The following MGME1 variants were observed in gnomAD, a reference collection of about 807,000 sequenced individuals.
MGME1 encodes mitochondrial genome maintenance exonuclease 1.
Under a neutral mutation model 33.0 loss-of-function variants are expected in MGME1, and 22 were observed. The observed-to-expected ratio is 0.67, with a 90% CI of 0.48 to 0.95. The LOEUF is 0.95. MGME1 is among the 40% of genes least tolerant of loss of function. The pLI is 0.00. For missense variants in MGME1, 383 were observed against 397.8 expected (o/e 0.96, Z 0.32); for synonymous variants, 133 against 144.0 (o/e 0.92, Z 0.55).
At chr20:17,978,676 G>A (rs749640423) in intron 3 of MGME1, among the ~76,000 whole-genome samples, 1 of 152,158 alleles carries the variant, frequency 6.6e-6, no homozygotes, top group Non-Finnish European at 1.5e-5. Flanking sequence ...TCATAGAGAT[G>A]ATAAAATATG....
chr20:17,986,514 C>A (rs1280535406), intron 3 of MGME1, among the ~76,000 whole-genome samples: 1 of 151,962 alleles, frequency 6.6e-6, no homozygotes, highest in Non-Finnish European at 1.5e-5. Context: ...CCAGCCACAA[C>A]ACCTGGCTGA....
At chr20:17,980,789 A>G (rs1600394056) in intron 3 of MGME1, among the ~76,000 whole-genome samples, 1 of 150,258 alleles carries the variant, frequency 6.7e-6, no homozygotes, top group East Asian at 2.0e-4. Context: ...AGCATGGGTG[A>G]CAGAGTGAGA....
chr20:17,977,430 G>A (rs1234690621), intron 3 of MGME1, among the ~76,000 whole-genome samples: 2 of 151,796 alleles, frequency 1.3e-5, no homozygotes, highest in African/African-American at 2.4e-5. Context: ...AGTCTGCAGT[G>A]CAAAGTAAAA....
intron 3 of MGME1, among the ~76,000 whole-genome samples, chr20:17,983,267 T>TTGTGTGTGTGTGTGTG (rs1555791107): frequency 0.012 from 1,779 of 142,648 alleles, 37 homozygotes; most frequent in African/African-American, 0.043. Context: ...TAGTGTTCTA[T>TTGTGTGTGTGTGTGTG]TGTGTGTGTG....
Position 17,990,184 on chromosome 20 carries a change from T to G in MGME1, c.*75T>G, listed in dbSNP as rs2036260029. 7.6e-7 allele frequency: 1 copy of G among 1,311,692 alleles called. No individual in the cohort carries two copies. Among genetic ancestry groups the G allele is most frequent in the Non-Finnish European group, 1.1e-6 (1 of 910,658 alleles). 81.3% of individuals were successfully genotyped at this position (1,311,692 alleles called of 1,614,324 possible). A position where few individuals can be genotyped will look rare whatever the true frequency, so the allele number is the denominator to read the frequency against. On this transcript the variant is annotated 3_prime_UTR_variant, in exon 5 of 5. Transcript: ENST00000377710. The stretch of plus-strand genomic sequence containing the variant: ...ACATATATTGCTGTTTACTCCAGTG[T>G]AAAAATGAGGTGCCACTGGATCTGA...
At chr20:17,974,025 G>A (rs919458901) in intron 2 of MGME1, among the ~76,000 whole-genome samples, 23 of 146,838 alleles carry the variant, frequency 1.6e-4, no homozygotes, top group African/African-American at 5.7e-4. Flanking sequence ...AGAAACAAGT[G>A]AATATATTTC....
chr20:17,983,927 G>A (rs1465756528), intron 3 of MGME1, among the ~76,000 whole-genome samples: 1 of 152,152 alleles, frequency 6.6e-6, no homozygotes, highest in Non-Finnish European at 1.5e-5. Context: ...TTGTTATGCA[G>A]AAGCTTTTTA....
chr20:17,969,780 T>C lies in MGME1; in HGVS notation c.-59-21T>C. 2.9e-6 allele frequency: 4 copies of C among 1,402,066 alleles called. No homozygotes were observed. The South Asian group carries it at 5.6e-5, about 20-fold the overall frequency. 86.9% of individuals were successfully genotyped at this position (1,402,066 alleles called of 1,614,324 possible). ...CATTCTGATGCAGCTTTCGCTTTGA[T>C]GGTTGTTTTCTCTCCAATAGGAATA... On this transcript the variant is annotated intron_variant, in intron 1 of 4. Coordinates refer to ENST00000377710, the MANE Select transcript of MGME1 (RefSeq NM_052865.4).
At chr20:17,980,878 C>T (rs755575166) in intron 3 of MGME1, among the ~76,000 whole-genome samples, 3 of 151,752 alleles carry the variant, frequency 2.0e-5, no homozygotes, top group Non-Finnish European at 4.4e-5. Context: ...TAATAATTTT[C>T]CACCACCCAC....
chr20:17,984,130 G>A (rs768361404), intron 3 of MGME1, among the ~76,000 whole-genome samples: 12 of 151,982 alleles, frequency 7.9e-5, no homozygotes, highest in Admixed American at 3.9e-4. Context: ...TATGCAAGTC[G>A]ATACCCAGTT....
At chr20:17,980,174 T>C (rs2035973871) in intron 3 of MGME1, among the ~76,000 whole-genome samples, 1 of 151,976 alleles carries the variant, frequency 6.6e-6, no homozygotes, top group South Asian at 2.1e-4. Flanking sequence ...TACAGGCGCC[T>C]GCTACCATAC....
rs576755235 is a variant in MGME1 at position 17,981,197 on chromosome 20, G to A, written c.731+5294G>A. On this transcript the variant is annotated intron_variant, in intron 3 of 4. Transcript: ENST00000377710. Reference sequence around the variant, plus strand: ...ACATAATGCTATGTATAATACACATGCATAGGCAGCACTTATGTATGATTT... The same window carrying A: ...ACATAATGCTATGTATAATACACATACATAGGCAGCACTTATGTATGATTT... Among the ~76,000 whole-genome samples the A allele has an allele frequency of 3.7e-4, 56 of 152,180 alleles. No individual in the cohort carries two copies. In the South Asian group the frequency reaches 6.2e-3, roughly 17 times the overall value.
chr20:17,985,717 T>A (rs1200385518), intron 3 of MGME1, among the ~76,000 whole-genome samples: 1 of 152,222 alleles, frequency 6.6e-6, no homozygotes, highest in Non-Finnish European at 1.5e-5. Context: ...TTTCTGTGTT[T>A]AGATGCACTA....
In MGME1 at chr20:17,969,810, CAT is replaced by C. The variant is rs760826941; in HGVS notation, c.-48_-47del. The C allele has an allele frequency of 2.0e-6, 3 of 1,530,406 alleles. No individual in the cohort carries two copies. The highest frequency in any genetic ancestry group is 2.6e-6 in the Non-Finnish European group (3 of 1,142,252). 94.8% of individuals were successfully genotyped at this position (1,530,406 alleles called of 1,614,324 possible). ...GTTTTCTCTCCAATAGGAATACAAA[CAT>C]AAAGGCCTTCGACCGTTGCAAATAG... On this transcript the variant is annotated 5_prime_UTR_variant, in exon 2 of 5. Transcript: ENST00000377710.
In MGME1 at chr20:17,969,869, A is replaced by G; in HGVS notation, c.10A>G (p.Lys4Glu). MKM[K>E]LFQTICRQLR... is the part of the protein sequence containing the mutation. ...GTGAAAACAAATCTGAATGAAGATGAAGTTATTTCAGACCATTTGCAGGCA... is the reference window on the plus strand; with the variant it reads ...GTGAAAACAAATCTGAATGAAGATGGAGTTATTTCAGACCATTTGCAGGCA... The change falls in exon 2 of 5, where the codon AAG becomes GAG. Residue 4 changes from lysine to glutamate, a missense_variant. Coordinates refer to ENST00000377710, the MANE Select transcript of MGME1 (RefSeq NM_052865.4). 2.5e-6 allele frequency: 4 copies of G among 1,604,742 alleles called. No homozygotes were observed. Among genetic ancestry groups the G allele is most frequent in the Non-Finnish European group, 3.4e-6 (4 of 1,176,996 alleles).
At chr20:17,969,003 T>C (rs886259454), upstream of MGME1, 2 of 153,812 alleles carry the variant, frequency 1.3e-5, no homozygotes, top group African/African-American at 4.8e-5. Flanking sequence ...GGGTGGGGCG[T>C]GAGCGCCGCG....
chr20:17,969,292 G>A (rs1181885894), intron 1 of MGME1, among the ~76,000 whole-genome samples, 151 bp downstream of exon 1: 2 of 152,222 alleles, frequency 1.3e-5, no homozygotes, highest in African/African-American at 4.8e-5. Context: ...ACAGTAATGG[G>A]ACCTCAGCGC....
intron 1 of MGME1, 61 bp downstream of exon 1, chr20:17,969,202 C>T (rs73107116): frequency 6.6e-6 from 1 of 152,314 alleles, no homozygotes; most frequent in East Asian, 1.9e-4. Flanking sequence ...AATCCAGACT[C>T]CTGCCACAGG....
chr20:17,978,597 A>G (rs888586217), intron 3 of MGME1, among the ~76,000 whole-genome samples: 1 of 152,188 alleles, frequency 6.6e-6, no homozygotes, highest in African/African-American at 2.4e-5. Context: ...TGCCTTTTAG[A>G]TAAACCAAGG....
Sources: gnomAD v4.1 joint callset for allele counts (sites outside exome capture counted in the v4.1 genomes callset) on GRCh38, gnomAD v4.1.1 for gene constraint, MANE v1.5 for transcripts, NCBI Gene and HGNC (gene_info 2026-07-23, HGNC 2026-07-21) for gene names.